The following NTRK2 variants were observed in gnomAD, a reference collection of about 807,000 sequenced individuals.
The protein encoded by NTRK2 is neurotrophic receptor tyrosine kinase 2, also known as BDNF/NT-3 growth factors receptor.
NTRK2 carries 13 observed loss-of-function variants against 94.5 expected under a neutral mutation model. The ratio of observed to expected loss-of-function variants is 0.14; its 90% CI spans 0.09 to 0.22. NTRK2 has a LOEUF of 0.22. Among genes scored for constraint, NTRK2 ranks in the 10% least tolerant of loss-of-function variants. The pLI is 1.00. For missense variants in NTRK2, 639 were observed against 1,071.2 expected (o/e 0.60, Z 5.63); for synonymous variants, 372 against 407.4 (o/e 0.91, Z 1.05).
intron 15 of NTRK2, among the ~76,000 whole-genome samples, chr9:84,937,050 C>G (rs1213913927): frequency 6.6e-6 from 1 of 152,148 alleles, no homozygotes; most frequent in Non-Finnish European, 1.5e-5. Flanking sequence ...CTGTCACTCG[C>G]CAGCCTGACC....
At chr9:84,672,558 A>T (rs1342744825) in intron 2 of NTRK2, among the ~76,000 whole-genome samples, 1 of 152,152 alleles carries the variant, frequency 6.6e-6, no homozygotes, top group Non-Finnish European at 1.5e-5. Flanking sequence ...TTTTGAGATT[A>T]TGGGGAGTGC....
chr9:84,728,042 A>G (rs1008373117), intron 9 of NTRK2, 83 bp downstream of exon 9: 14 of 1,304,680 alleles, frequency 1.1e-5, no homozygotes, highest in African/African-American at 7.3e-5. Flanking sequence ...ACAATAAGCC[A>G]TCCCCCAACC....
chr9:84,835,626 C>T (rs1222442820), intron 12 of NTRK2, among the ~76,000 whole-genome samples: 1 of 152,180 alleles, frequency 6.6e-6, no homozygotes, highest in African/African-American at 2.4e-5. Flanking sequence ...CTCCCCCCTT[C>T]TTTGTAATGG....
intron 12 of NTRK2, among the ~76,000 whole-genome samples, chr9:84,848,897 G>A (rs1468760118): frequency 6.6e-6 from 1 of 152,128 alleles, no homozygotes; most frequent in Admixed American, 6.5e-5. Context: ...GCCTTCTAAG[G>A]AGATGGCTTG....
intron 14 of NTRK2, among the ~76,000 whole-genome samples, chr9:84,894,163 T>TCGGGG (rs1564440809): frequency 0.02 from 143 of 7,160 alleles, 1 homozygote; most frequent in African/African-American, 0.089. Context: ...CTTGACTATT[T>TCGGGG]GGGAGAATAT....
At position 85,024,864 on chromosome 9, in the gene NTRK2, CAT is replaced by C. The variant is rs1832956838; in HGVS notation, c.*3428_*3429del. 1 of 232,810 alleles carries C rather than the reference CAT, an allele frequency of 4.3e-6. No homozygotes were observed. The highest frequency in any genetic ancestry group is 8.5e-6 in the Non-Finnish European group (1 of 117,870). The allele number at this position is 232,810 out of a possible 1,614,324, so 14.4% of individuals were successfully genotyped here. A position where few individuals can be genotyped will look rare whatever the true frequency, so the allele number is the denominator to read the frequency against. ...AGATTATATCAGAATTCATATTATA[CAT>C]GTGTTCACATCAGCGCTACCTGTGA... On this transcript the variant is annotated 3_prime_UTR_variant, in exon 19 of 19. Transcript: ENST00000277120.
intron 16 of NTRK2, among the ~76,000 whole-genome samples, chr9:84,950,476 T>G (rs1588024442): frequency 6.6e-6 from 1 of 152,332 alleles, no homozygotes; most frequent in East Asian, 1.9e-4. Flanking sequence ...TCCTTCCTAT[T>G]CTGCATCAGC....
intron 12 of NTRK2, chr9:84,811,165 T>C: frequency 1.9e-6 from 2 of 1,061,940 alleles, no homozygotes; most frequent in South Asian, 9.1e-5. Flanking sequence ...CTTTGGGACT[T>C]GGTAGTATTA....
Position 84,771,075 on chromosome 9 carries a change from A to T in NTRK2, c.1396+18990A>T, listed in dbSNP as rs562729421. Among the ~76,000 whole-genome samples, 10 of 152,364 alleles carry T rather than the reference A, an allele frequency of 6.6e-5. No individual in the cohort carries two copies. The East Asian group carries it at 1.9e-3, about 29-fold the overall frequency. On this transcript the variant is annotated intron_variant, in intron 12 of 18. Transcript: ENST00000277120. ...GACTTAATTTCCCAGAATGGGAGTG[A>T]TTGAAAATAATTTCTAATAAGAGCT...
chr9:84,957,943 C>T (rs889594683), intron 17 of NTRK2, among the ~76,000 whole-genome samples: 3 of 152,202 alleles, frequency 2.0e-5, no homozygotes, highest in African/African-American at 7.2e-5. Flanking sequence ...CATGCTGCAA[C>T]ACAGATAAAC....
intron 15 of NTRK2, among the ~76,000 whole-genome samples, chr9:84,937,692 A>G (rs2078258590): frequency 6.6e-6 from 1 of 152,112 alleles, no homozygotes; most frequent in African/African-American, 2.4e-5. Flanking sequence ...CAAAGAACCC[A>G]TAGAGAGGAG....
intron 12 of NTRK2, among the ~76,000 whole-genome samples, chr9:84,835,705 C>T (rs760039189): frequency 6.6e-6 from 1 of 152,146 alleles, no homozygotes. Context: ...GTAACAGCAG[C>T]GTGAGGCTGA....
intron 9 of NTRK2, among the ~76,000 whole-genome samples, chr9:84,730,554 CACGGTG>C: frequency 7.1e-6 from 1 of 140,878 alleles, no homozygotes; most frequent in Non-Finnish European, 1.5e-5. Flanking sequence ...TCCTGGCTAA[CACGGTG>C]AAACCCCGTC....
chr9:84,861,198 G>A, intron 13 of NTRK2, 111 bp downstream of exon 13: 1 of 872,030 alleles, frequency 1.1e-6, no homozygotes, highest in Non-Finnish European at 1.8e-6. Context: ...CATTTTCTGT[G>A]TTCCTGGTTT....
chr9:84,770,684 T>G (rs1193468246), intron 12 of NTRK2, among the ~76,000 whole-genome samples: 1 of 152,244 alleles, frequency 6.6e-6, no homozygotes, highest in Non-Finnish European at 1.5e-5. Context: ...AAAAATGAAT[T>G]GAGGTGTAGA....
chr9:84,990,279 G>A (rs780789926), intron 17 of NTRK2, among the ~76,000 whole-genome samples: 4 of 152,202 alleles, frequency 2.6e-5, no homozygotes, highest in Admixed American at 1.3e-4. Flanking sequence ...GAGAGCCAGC[G>A]CTTGGGAGTC....
intron 2 of NTRK2, among the ~76,000 whole-genome samples, chr9:84,674,349 TC>T (rs1319624220): frequency 6.6e-6 from 1 of 152,234 alleles, no homozygotes; most frequent in Non-Finnish European, 1.5e-5. Context: ...TTGGAGCTTC[TC>T]CTATGACAGA....
chr9:84,867,812 A>G (rs552450285), intron 14 of NTRK2, among the ~76,000 whole-genome samples: 2 of 152,304 alleles, frequency 1.3e-5, no homozygotes, highest in African/African-American at 4.8e-5. Flanking sequence ...AATTTAGCCT[A>G]TAGAAAGTAA....
chr9:84,742,689 A>T (rs1280440093), intron 10 of NTRK2, among the ~76,000 whole-genome samples: 1 of 152,042 alleles, frequency 6.6e-6, no homozygotes, highest in Admixed American at 6.5e-5. Context: ...CCCAGACTTT[A>T]AGTCAGCTTC....
Sources: gnomAD v4.1 joint callset for allele counts (sites outside exome capture counted in the v4.1 genomes callset) on GRCh38, gnomAD v4.1.1 for gene constraint, MANE v1.5 for transcripts, NCBI Gene and HGNC (gene_info 2026-07-23, HGNC 2026-07-21) for gene names.